LRRIQ1: variants seen among roughly 807,000 people sequenced by gnomAD.
LRRIQ1 encodes leucine rich repeats and IQ motif containing 1.
Under a neutral mutation model 211.9 loss-of-function variants are expected in LRRIQ1, and 210 were observed. That is an observed-to-expected ratio of 0.99 (90% CI 0.89 to 1.11). The LOEUF is 1.11. Among genes scored for constraint, LRRIQ1 ranks in the 50% most tolerant of loss-of-function variants. LRRIQ1 has a pLI of 0.00. For synonymous variants in LRRIQ1, 699 were observed against 650.1 expected (o/e 1.08, Z -1.14); for missense variants, 2,136 against 1,939.5 (o/e 1.10, Z -1.90).
intron 24 of LRRIQ1, among the ~76,000 whole-genome samples, chr12:85,200,257 G>A (rs143006894): frequency 2.9e-4 from 44 of 152,086 alleles, no homozygotes; most frequent in African/African-American, 1.1e-3. Flanking sequence ...TTATTGACTG[G>A]GCTCTCAGCT....
chr12:85,237,989 T>C (rs1895270926), intron 26 of LRRIQ1, among the ~76,000 whole-genome samples: 1 of 152,076 alleles, frequency 6.6e-6, no homozygotes, highest in Admixed American at 6.6e-5. Flanking sequence ...GATTCTTGCC[T>C]GCAAGTTATA....
intron 11 of LRRIQ1, among the ~76,000 whole-genome samples, chr12:85,078,719 T>A (rs1216288666): frequency 6.6e-6 from 1 of 152,162 alleles, no homozygotes; most frequent in Non-Finnish European, 1.5e-5. Flanking sequence ...CTTATATAAT[T>A]AAACGAGCTT....
chr12:85,180,697 A>G (rs1241654069), intron 24 of LRRIQ1, among the ~76,000 whole-genome samples: 1 of 151,954 alleles, frequency 6.6e-6, no homozygotes, highest in East Asian at 1.9e-4. Flanking sequence ...AAAATGCTGA[A>G]AACAATACCT....
chr12:85,197,824 T>TAA (rs139290206), intron 24 of LRRIQ1, among the ~76,000 whole-genome samples: 2 of 134,964 alleles, frequency 1.5e-5, no homozygotes, highest in African/African-American at 2.8e-5. Flanking sequence ...AACTTTATAA[T>TAA]AAAAAAATAA....
intron 18 of LRRIQ1, among the ~76,000 whole-genome samples, chr12:85,128,374 A>C (rs1283070477): frequency 1.3e-5 from 2 of 152,166 alleles, no homozygotes; most frequent in South Asian, 2.1e-4. Flanking sequence ...CAAAGGCAGG[A>C]GGATTGCTTG....
the LRRIQ1 span, among the ~76,000 whole-genome samples, chr12:85,270,352 C>CA: frequency 6.6e-6 from 1 of 151,962 alleles, no homozygotes; most frequent in African/African-American, 2.4e-5. Context: ...TCCTGAGTCA[C>CA]AAAAATCATG....
At chr12:85,144,490 A>G (rs543511018) in intron 19 of LRRIQ1, among the ~76,000 whole-genome samples, 2 of 151,638 alleles carry the variant, frequency 1.3e-5, no homozygotes, top group Non-Finnish European at 3.0e-5. Flanking sequence ...ATAACACTTT[A>G]CTAGAGATGT....
At chr12:85,192,242 A>G (rs1892553091) in intron 24 of LRRIQ1, among the ~76,000 whole-genome samples, 2 of 150,604 alleles carry the variant, frequency 1.3e-5, no homozygotes, top group African/African-American at 4.9e-5. Flanking sequence ...CCACTTATAC[A>G]TGAGAACAAG....
rs778883086 is a variant in LRRIQ1 at position 85,153,086 on chromosome 12, A to G, written c.4482A>G (p.Ala1494=). 15 of 1,588,054 alleles carry G rather than the reference A, an allele frequency of 9.4e-6. 1 individual carries two copies. The South Asian group carries it at 1.6e-4, about 17-fold the overall frequency. ...SFNLPSNPAQ[A]WLCNDKENLS... The stretch of plus-strand genomic sequence containing the variant: ...ATTTACCAAGTAATCCAGCTCAAGC[A>G]TGGTTATGTAATGACAAAGAAAATT... Residue 1494 remains alanine, a synonymous_variant, in exon 21 of 27, where the codon GCA becomes GCG. Transcript: ENST00000393217.
At chr12:85,151,660 A>C (rs1890253439) in intron 19 of LRRIQ1, among the ~76,000 whole-genome samples, 1 of 151,616 alleles carries the variant, frequency 6.6e-6, no homozygotes, top group Non-Finnish European at 1.5e-5. Context: ...TAAATTGGAG[A>C]AATATGTCTT....
At chr12:85,139,945 A>G (rs532681786) in intron 19 of LRRIQ1, among the ~76,000 whole-genome samples, 1 of 151,388 alleles carries the variant, frequency 6.6e-6, no homozygotes, top group Non-Finnish European at 1.5e-5. Flanking sequence ...GCTCAAATAA[A>G]TTGAACTGTT....
intron 24 of LRRIQ1, among the ~76,000 whole-genome samples, chr12:85,196,675 T>G (rs1892932772): frequency 1.3e-5 from 2 of 152,086 alleles, no homozygotes; most frequent in Non-Finnish European, 2.9e-5. Context: ...CAAAAATCAA[T>G]TCGAGATGGA....
intron 26 of LRRIQ1, among the ~76,000 whole-genome samples, chr12:85,243,891 A>G (rs968849216): frequency 1.3e-5 from 2 of 151,522 alleles, no homozygotes; most frequent in Non-Finnish European, 3.0e-5. Context: ...CTTTTTAACC[A>G]CAGTGGTGGT....
intron 22 of LRRIQ1, 111 bp from the exon 23 acceptor site, chr12:85,153,901 C>A: frequency 1.1e-6 from 1 of 941,546 alleles, no homozygotes; most frequent in African/African-American, 1.7e-5. Flanking sequence ...AATGGGAATT[C>A]ACATTTATTT....
At chr12:85,231,047 C>CA (rs1238327953) in intron 25 of LRRIQ1, among the ~76,000 whole-genome samples, 1,378 of 126,594 alleles carry the variant, frequency 0.011, 10 homozygotes, top group African/African-American at 0.031. Flanking sequence ...GACTCCACCT[C>CA]AAAAAAAAAA....
intron 16 of LRRIQ1, 22 bp from the exon 17 acceptor site, chr12:85,124,048 T>C (rs759183602): frequency 7.8e-6 from 12 of 1,531,294 alleles, no homozygotes; most frequent in Non-Finnish European, 1.1e-5. Context: ...TTATTAAATG[T>C]TCTCATCATT....
At chr12:85,268,155 G>T (rs1190323084), downstream of LRRIQ1, among the ~76,000 whole-genome samples, 1 of 151,800 alleles carries the variant, frequency 6.6e-6, no homozygotes, top group South Asian at 2.1e-4. Flanking sequence ...TCCATGAAAT[G>T]ATGGGAAATT....
In LRRIQ1 at chr12:85,098,420, A is replaced by G; in HGVS notation, c.2953A>G (p.Lys985Glu). Reference sequence around the variant, plus strand: ...GGACCACAATCAGTTAATTAATACAAAAGGTCTTTGTGATACACCTACCAT... The same window carrying G: ...GGACCACAATCAGTTAATTAATACAGAAGGTCTTTGTGATACACCTACCAT... Reference protein sequence around the residue: ...ILDHNQLINTKGLCDTPTIVY... With the variant: ...ILDHNQLINTEGLCDTPTIVY... Residue 985 changes from lysine to glutamate, a missense_variant, in exon 12 of 27, where the codon AAA becomes GAA. Transcript: ENST00000393217. The G allele has an allele frequency of 6.2e-7, 1 of 1,611,218 alleles. No homozygotes were observed. Among genetic ancestry groups the G allele is most frequent in the Non-Finnish European group, 8.5e-7 (1 of 1,178,482 alleles).
At chr12:85,191,666 C>A (rs959760611) in intron 24 of LRRIQ1, among the ~76,000 whole-genome samples, 1 of 151,910 alleles carries the variant, frequency 6.6e-6, no homozygotes, top group African/African-American at 2.4e-5. Context: ...ACATTTTCAA[C>A]TTATTTAGGT....
Sources: gnomAD v4.1 joint callset for allele counts (sites outside exome capture counted in the v4.1 genomes callset) on GRCh38, gnomAD v4.1.1 for gene constraint, MANE v1.5 for transcripts, NCBI Gene and HGNC (gene_info 2026-07-23, HGNC 2026-07-21) for gene names.